Variants in MTERF4 observed in about 807,000 individuals in gnomAD.
MTERF4 encodes the protein transcription termination factor 4, mitochondrial.
A neutral mutation model predicts 22.5 loss-of-function variants in MTERF4; 17 were observed. The observed-to-expected ratio is 0.75, with a 90% CI of 0.52 to 1.13. The LOEUF is 1.13. Ranked by LOEUF, MTERF4 falls within the 50% of genes most tolerant of loss-of-function variation. The pLI, the probability that MTERF4 is intolerant of heterozygous loss-of-function variation, is 0.00. For synonymous variants in MTERF4, 165 were observed against 175.3 expected (o/e 0.94, Z 0.47); for missense variants, 420 against 466.8 (o/e 0.90, Z 0.92).
the MTERF4 span, chr2:241,052,135 C>T: frequency 4.0e-5 from 64 of 1,613,706 alleles, no homozygotes; most frequent in Middle Eastern, 4.9e-4. Context: ...CCCCAGGCTT[C>T]TCCGGGCGGC....
the MTERF4 span, among the ~76,000 whole-genome samples, chr2:241,066,740 G>A: frequency 1.3e-5 from 2 of 152,212 alleles, no homozygotes; most frequent in Non-Finnish European, 2.9e-5. Context: ...TGGCGGGTAG[G>A]TGGGGAGGAG....
At chr2:241,089,839 G>A, downstream of MTERF4, 1 of 1,389,724 alleles carries the variant, frequency 7.2e-7, no homozygotes, top group Non-Finnish European at 9.5e-7. Context: ...AGGCTGTGTG[G>A]CAGAGCCCAT....
chr2:241,087,659 G>T, downstream of MTERF4: 5 of 1,397,364 alleles, frequency 3.6e-6, no homozygotes, highest in South Asian at 1.7e-5. Context: ...ATGTGCATGT[G>T]AGCATACCCA....
chr2:241,072,425 T>C (rs2062777777), exon 5 of MTERF4: 1 of 360,010 alleles, frequency 2.8e-6, no homozygotes, highest in East Asian at 7.4e-5. Flanking sequence ...CCCTGAGACA[T>C]GTTGGCAGGA....
downstream of MTERF4, chr2:241,088,352 CTAAT>C (rs778645719): frequency 2.5e-6 from 4 of 1,600,986 alleles, no homozygotes; most frequent in Non-Finnish European, 1.7e-6. Flanking sequence ...CGACTTTTCT[CTAAT>C]TATTTCAGGA....
the MTERF4 span, among the ~76,000 whole-genome samples, chr2:241,055,695 A>T: frequency 1.3e-5 from 2 of 152,384 alleles, no homozygotes; most frequent in East Asian, 3.9e-4. Flanking sequence ...GAAGCCACAG[A>T]TGCAGAGAGT....
chr2:241,073,794 T>C lies in MTERF4; in HGVS notation n.2368A>G. On this transcript the variant is annotated non_coding_transcript_exon_variant, in exon 5 of 5. Transcript: ENST00000464344. This position sits in a 1 kb window ranked among gnomAD's most constrained non-coding sequence, Gnocchi z 6.6. Reference sequence around the variant, plus strand: ...ACTGGGCGAGCCCCAGCTTGAGGACTAGCTGGGCCCTGTGGACACTCAGGT... The same window carrying C: ...ACTGGGCGAGCCCCAGCTTGAGGACCAGCTGGGCCCTGTGGACACTCAGGT... The C allele has an allele frequency of 3.4e-6, 1 of 290,662 alleles. No homozygotes were observed. Among genetic ancestry groups the C allele is most frequent in the Non-Finnish European group, 6.4e-6 (1 of 155,254 alleles). The allele number at this position is 290,662 out of a possible 1,614,324, so 18.0% of individuals were successfully genotyped here. A position where few individuals can be genotyped will look rare whatever the true frequency, so the allele number is the denominator to read the frequency against.
At chr2:241,082,483 GGGA>G (rs2063376858), downstream of MTERF4, 1 of 719,270 alleles carries the variant, frequency 1.4e-6, no homozygotes, top group East Asian at 2.5e-5. Flanking sequence ...AGTCACAGAA[GGGA>G]CTTGCTTTGA....
At chr2:241,101,435 C>T (rs1018732175) in intron 1 of MTERF4, among the ~76,000 whole-genome samples, 2 of 152,266 alleles carry the variant, frequency 1.3e-5, no homozygotes, top group Non-Finnish European at 2.9e-5. Context: ...CGCTCACCTC[C>T]TGCTGTGCAG....
intron 4 of MTERF4, chr2:241,081,926 G>A (rs954186314): frequency 1.3e-5 from 9 of 697,288 alleles, no homozygotes; most frequent in Middle Eastern, 3.9e-4. Flanking sequence ...TCTGGTGCAC[G>A]GGGCTGACCC....
chr2:241,095,959 A>T lies in MTERF4; in HGVS notation c.*39T>A, dbSNP rs370340254. On this transcript the variant is annotated 3_prime_UTR_variant, in exon 4 of 4. Coordinates refer to ENST00000391980, the MANE Select transcript of MTERF4 (RefSeq NM_182501.4). ...TTTAAGAGAATGAAAAGCTTCCTTG[A>T]TATCTCTGGGCCCTTTCGCTCTAGT... 8.4e-5 allele frequency: 133 copies of T among 1,575,630 alleles called. No individual in the cohort carries two copies. The highest frequency in any genetic ancestry group is 2.2e-4 in the South Asian group (19 of 85,166).
chr2:241,081,768 G>C (rs201278542), intron 4 of MTERF4: 1 of 1,599,272 alleles, frequency 6.3e-7, no homozygotes, highest in Non-Finnish European at 8.5e-7. Context: ...GCGGGCCAGG[G>C]TTCAAAGGCA....
At chr2:241,085,860 CTTTTTTTTTTTT>C (rs772995766), downstream of MTERF4, among the ~76,000 whole-genome samples, 905 of 79,224 alleles carry the variant, frequency 0.011, 22 homozygotes, top group African/African-American at 0.041. Flanking sequence ...TCTGCGGTTT[CTTTTTTTTTTTT>C]TTTTTTTTTT....
At chr2:241,081,145 C>A (rs562898703) in intron 4 of MTERF4, among the ~76,000 whole-genome samples, 3 of 152,348 alleles carry the variant, frequency 2.0e-5, no homozygotes, top group African/African-American at 7.2e-5. Context: ...CATCCCTGGG[C>A]AGCAGCCCTG....
chr2:241,101,450 G>A (rs1295976955), intron 1 of MTERF4, among the ~76,000 whole-genome samples: 4 of 152,246 alleles, frequency 2.6e-5, no homozygotes, highest in Non-Finnish European at 4.4e-5. Flanking sequence ...GTGCAGCCTG[G>A]TTCCTAATAG....
intron 4 of MTERF4, among the ~76,000 whole-genome samples, chr2:241,077,637 G>A (rs1177350116): frequency 6.6e-6 from 1 of 152,076 alleles, no homozygotes; most frequent in African/African-American, 2.4e-5. Context: ...AAAATAAAGA[G>A]CTCTGACAAC....
At chr2:241,070,057 C>T (rs768845818), downstream of MTERF4, 15 of 1,612,972 alleles carry the variant, frequency 9.3e-6, no homozygotes, top group East Asian at 1.1e-4. Context: ...CACCAAGAGC[C>T]GCTATGTCCC....
chr2:241,059,073 A>T, the MTERF4 span, among the ~76,000 whole-genome samples: 1 of 152,262 alleles, frequency 6.6e-6, no homozygotes, highest in African/African-American at 2.4e-5. Context: ...GAGTCCTTTA[A>T]ACATTAAAGA....
the MTERF4 span, among the ~76,000 whole-genome samples, chr2:241,054,083 G>T: frequency 2.6e-5 from 4 of 152,144 alleles, no homozygotes; most frequent in South Asian, 6.2e-4. Context: ...TCAGGCGAAG[G>T]GTTCTGGGAA....
Sources: gnomAD v4.1 joint callset for allele counts (sites outside exome capture counted in the v4.1 genomes callset) on GRCh38, gnomAD v4.1.1 for gene constraint, Gnocchi (gnomAD v3.1) non-coding constraint, MANE v1.5 for transcripts, NCBI Gene and HGNC (gene_info 2026-07-23, HGNC 2026-07-21) for gene names.